Variants in PLXNA4 observed in about 807,000 individuals in gnomAD.
The protein encoded by PLXNA4 is plexin-A4.
PLXNA4 carries 44 observed loss-of-function variants against 191.8 expected under a neutral mutation model. The observed-to-expected ratio is 0.23, with a 90% CI of 0.18 to 0.29. The LOEUF is 0.29. Ranked by LOEUF, PLXNA4 falls within the 10% of genes least tolerant of loss-of-function variation. The pLI is 1.00. For synonymous variants in PLXNA4, 1,082 were observed against 1,009.5 expected, an observed-to-expected ratio of 1.07 and a Z score of -1.36; for missense variants, 1,800 against 2,488.8, an observed-to-expected ratio of 0.72 and a Z score of 5.89.
At chr7:132,295,491 A>G (rs1194501488) in intron 4 of PLXNA4, among the ~76,000 whole-genome samples, 3 of 152,198 alleles carry the variant, frequency 2.0e-5, no homozygotes, top group African/African-American at 7.2e-5. Flanking sequence ...GTTCTGACCC[A>G]TCATGGCTGA....
At chr7:132,463,444 T>C (rs909210708) in intron 3 of PLXNA4, among the ~76,000 whole-genome samples, 2 of 152,226 alleles carry the variant, frequency 1.3e-5, no homozygotes, top group East Asian at 3.8e-4. Flanking sequence ...CAATGTACTT[T>C]ATTCTCACAA....
chr7:132,507,083 T>C (rs1161111177), intron 2 of PLXNA4, among the ~76,000 whole-genome samples: 1 of 152,164 alleles, frequency 6.6e-6, no homozygotes, highest in Non-Finnish European at 1.5e-5. Context: ...ATATGGTTTT[T>C]ATTCTAAGCT....
intron 21 of PLXNA4, among the ~76,000 whole-genome samples, chr7:132,171,777 T>A (rs9641933): frequency 2.0e-5 from 3 of 152,042 alleles, no homozygotes; most frequent in Non-Finnish European, 4.4e-5. Context: ...CCACAGTGAC[T>A]CGTAGGTGGA....
intron 18 of PLXNA4, among the ~76,000 whole-genome samples, chr7:132,180,978 A>G (rs1327920856): frequency 6.6e-6 from 1 of 152,254 alleles, no homozygotes; most frequent in Non-Finnish European, 1.5e-5. Context: ...ATCCTTCTCA[A>G]TGCAGAGTTG....
At chr7:132,644,903 C>T (rs186180872) in intron 2 of PLXNA4, among the ~76,000 whole-genome samples, 6 of 152,180 alleles carry the variant, frequency 3.9e-5, no homozygotes, top group African/African-American at 1.2e-4. Flanking sequence ...CAACTGCCAA[C>T]CCTGTGTGCC....
Position 132,130,486 on chromosome 7 carries a change from T to G in PLXNA4, c.5678A>C (p.Asp1893Ala). 9 of 1,614,190 alleles carry G rather than the reference T, an allele frequency of 5.6e-6. No individual in the cohort carries two copies. The highest frequency in any genetic ancestry group is 7.6e-6 in the Non-Finnish European group (9 of 1,180,016). The change falls in exon 32 of 32, where the codon GAC becomes GCC. Residue 1893 changes from aspartate to alanine, a missense_variant. Coordinates refer to ENST00000321063, the MANE Select transcript of PLXNA4 (RefSeq NM_020911.2). ...LEQVITLMSL[D>A]S ...GCCCTGGAAGGACGGTTCTCAGCTG[T>G]CTAAGCTCATGAGGGTTATGACTTG...
Position 132,312,149 on chromosome 7 carries a change from A to AAATAATAAT in PLXNA4, c.1372-13936_1372-13928dup, listed in dbSNP as rs56273116. Among the ~76,000 whole-genome samples, 589 of 149,552 alleles carry AAATAATAAT rather than the reference A, an allele frequency of 3.9e-3. 2 individuals are homozygous for AAATAATAAT. The highest frequency in any genetic ancestry group is 6.5e-3 in the Non-Finnish European group (439 of 67,614). On this transcript the variant is annotated intron_variant, in intron 3 of 31. Coordinates refer to ENST00000321063, the MANE Select transcript of PLXNA4 (RefSeq NM_020911.2). ...ACCAGAGCCAAAGTGCCTTGAAGGA[A>AAATAATAAT]AATAATAATAATAATAATAATAATA...
Position 132,514,351 on chromosome 7 carries a change from G to A in PLXNA4, c.-86-5572C>T, listed in dbSNP as rs574253853. On this transcript the variant is annotated intron_variant, in intron 1 of 31. Transcript: ENST00000321063. ...CAGGCATGAGCCACTGTGCCTGGCC[G>A]GTGAGACTTTTGTTTTACCCACTAT... 1.3e-4 allele frequency among the ~76,000 whole-genome samples: 20 copies of A among 152,184 alleles called. No individual in the cohort carries two copies. In the South Asian group the frequency reaches 3.3e-3, roughly 25 times the overall value.
intron 4 of PLXNA4, among the ~76,000 whole-genome samples, chr7:132,288,390 T>A (rs1490675735): frequency 3.3e-5 from 5 of 152,016 alleles, no homozygotes; most frequent in Admixed American, 2.0e-4. Flanking sequence ...GAGAATGAAG[T>A]GGGAAGTGGG....
intron 2 of PLXNA4, among the ~76,000 whole-genome samples, chr7:132,500,882 A>G (rs1335888425): frequency 6.6e-6 from 1 of 152,228 alleles, no homozygotes; most frequent in Non-Finnish European, 1.5e-5. Flanking sequence ...CTGCTTGCCC[A>G]GTGATATCTC....
intron 2 of PLXNA4, among the ~76,000 whole-genome samples, chr7:132,500,290 A>G (rs1435424900): frequency 6.6e-6 from 1 of 152,176 alleles, no homozygotes; most frequent in Non-Finnish European, 1.5e-5. Flanking sequence ...TAAAAATACA[A>G]AAATTAGCTG....
chr7:132,489,259 A>G, intron 3 of PLXNA4, 33 bp downstream of exon 3: 1 of 1,554,282 alleles, frequency 6.4e-7, no homozygotes, highest in East Asian at 2.3e-5. Flanking sequence ...GACTGTCTTC[A>G]CAGTAACCAA....
chr7:132,300,982 C>T (rs1801282813), intron 3 of PLXNA4, among the ~76,000 whole-genome samples: 1 of 152,158 alleles, frequency 6.6e-6, no homozygotes, highest in African/African-American at 2.4e-5. Flanking sequence ...TGTGGCTGGA[C>T]ATCAAAGGAA....
chr7:132,599,402 T>A (rs74557534), intron 2 of PLXNA4, among the ~76,000 whole-genome samples: 1 of 152,246 alleles, frequency 6.6e-6, no homozygotes, highest in African/African-American at 2.4e-5. Context: ...TCAACTTCTA[T>A]GTACTTTATT....
At chr7:132,491,362 A>C (rs1482960069) in intron 2 of PLXNA4, among the ~76,000 whole-genome samples, 1 of 152,224 alleles carries the variant, frequency 6.6e-6, no homozygotes, top group East Asian at 1.9e-4. Context: ...ACCTGGCCCC[A>C]GCAGGCTCCT....
At chr7:132,254,825 C>A (rs1799378398) in intron 4 of PLXNA4, among the ~76,000 whole-genome samples, 2 of 152,154 alleles carry the variant, frequency 1.3e-5, no homozygotes, top group South Asian at 4.1e-4. Context: ...GGAGTCTGAT[C>A]TATATCCGAC....
At chr7:132,567,704 A>G (rs1801796829) in intron 1 of PLXNA4, among the ~76,000 whole-genome samples, 2 of 152,210 alleles carry the variant, frequency 1.3e-5, no homozygotes, top group Non-Finnish European at 2.9e-5. Context: ...GTATACAAGA[A>G]GTAAGAAATG....
intron 1 of PLXNA4, among the ~76,000 whole-genome samples, chr7:132,564,277 T>C (rs1801605145): frequency 7.3e-6 from 1 of 137,090 alleles, no homozygotes; most frequent in Non-Finnish European, 1.6e-5. Context: ...CTCCTTTTCC[T>C]CCTCCTCCTC....
At chr7:132,136,472 G>T (rs1422944157) in intron 30 of PLXNA4, among the ~76,000 whole-genome samples, 1 of 152,160 alleles carries the variant, frequency 6.6e-6, no homozygotes, top group Non-Finnish European at 1.5e-5. Flanking sequence ...TCCCACCACT[G>T]GCCTTCCCTG....
Sources: gnomAD v4.1 joint callset for allele counts (sites outside exome capture counted in the v4.1 genomes callset) on GRCh38, gnomAD v4.1.1 for gene constraint, MANE v1.5 for transcripts, NCBI Gene and HGNC (gene_info 2026-07-23, HGNC 2026-07-21) for gene names.